The following CHM variants were observed in gnomAD, a reference collection of about 807,000 sequenced individuals.
CHM encodes the protein CHM Rab escort protein.
In CHM, 10 loss-of-function variants were observed where a neutral mutation model predicts 49.0. The observed-to-expected ratio is 0.20, with a 90% CI of 0.13 to 0.35. CHM has a LOEUF of 0.35. Ranked by LOEUF, CHM falls within the 10% of genes least tolerant of loss-of-function variation. The pLI, the probability that CHM is intolerant of heterozygous loss-of-function variation, is 1.00. For synonymous variants in CHM, 184 were observed against 167.5 expected (o/e 1.10, Z -0.76); for missense variants, 455 against 478.4 (o/e 0.95, Z 0.46).
intron 8 of CHM, among the ~76,000 whole-genome samples, chrX:85,915,969 G>A (rs1222866404): frequency 6.2e-5 from 7 of 112,076 alleles, no homozygotes; most frequent in African/African-American, 1.6e-4. Context: ...ATATGGAACC[G>A]TAAAACAGCC....
intron 5 of CHM, among the ~76,000 whole-genome samples, chrX:85,962,015 G>C (rs763147327): frequency 6.3e-5 from 7 of 111,951 alleles, no homozygotes; most frequent in Middle Eastern, 4.6e-3. Context: ...CCCTTTGCAA[G>C]ATATATACTA....
intron 7 of CHM, among the ~76,000 whole-genome samples, chrX:85,957,213 T>C (rs1260054915): frequency 8.9e-6 from 1 of 111,746 alleles, no homozygotes; most frequent in African/African-American, 3.2e-5. Flanking sequence ...ATTCCAATTT[T>C]GGATAACATT....
chrX:86,038,244 CTCAA>C (rs888877081), intron 1 of CHM, among the ~76,000 whole-genome samples: 2 of 111,825 alleles, frequency 1.8e-5, no homozygotes, highest in Admixed American at 9.5e-5. Flanking sequence ...ACAGGCAGAA[CTCAA>C]AGTCATTCCT....
chrX:86,007,764 C>G (rs915711468), intron 2 of CHM, among the ~76,000 whole-genome samples: 4 of 112,100 alleles, frequency 3.6e-5, no homozygotes, highest in Admixed American at 2.8e-4. Flanking sequence ...ACAACAGAAG[C>G]TGGAGAGGAT....
intron 4 of CHM, among the ~76,000 whole-genome samples, chrX:85,968,623 T>C (rs1367309234): frequency 1.8e-5 from 2 of 110,425 alleles, no homozygotes; most frequent in African/African-American, 6.8e-5. Flanking sequence ...CTGGGGGCCC[T>C]TGTTGAAGAC....
intron 8 of CHM, among the ~76,000 whole-genome samples, chrX:85,944,119 A>G (rs1282028521): frequency 2.7e-5 from 3 of 111,879 alleles, no homozygotes; most frequent in African/African-American, 6.5e-5. Context: ...AAATTTTCCA[A>G]CAGTATACTC....
At chrX:85,936,697 A>T (rs1184762412) in intron 8 of CHM, among the ~76,000 whole-genome samples, 1 of 112,436 alleles carries the variant, frequency 8.9e-6, no homozygotes, top group Non-Finnish European at 1.9e-5. Context: ...GCTACAATTT[A>T]TACCAATCAC....
intron 14 of CHM, among the ~76,000 whole-genome samples, chrX:85,866,934 G>A (rs1052543521): frequency 3.5e-5 from 4 of 112,711 alleles, no homozygotes; most frequent in African/African-American, 1.3e-4. Flanking sequence ...TGATTTTACA[G>A]GTTCATAGGC....
intron 2 of CHM, among the ~76,000 whole-genome samples, chrX:86,017,051 C>T (rs1156551808): frequency 2.7e-5 from 3 of 112,488 alleles, no homozygotes; most frequent in Non-Finnish European, 5.6e-5. Flanking sequence ...AGATTTCGGA[C>T]TTGCATGGGC....
chrX:85,913,134 G>C (rs1404377737), intron 8 of CHM, among the ~76,000 whole-genome samples: 1 of 61,742 alleles, frequency 1.6e-5, no homozygotes, highest in Non-Finnish European at 3.3e-5. Context: ...AGACCAGCCC[G>C]GTGAAACCTT....
At chrX:85,968,032 A>G (rs900481318) in intron 4 of CHM, among the ~76,000 whole-genome samples, 51 of 111,460 alleles carry the variant, frequency 4.6e-4, no homozygotes, top group Non-Finnish European at 7.4e-4. Flanking sequence ...TCTCTTACCC[A>G]ATACGACTTG....
At chrX:85,868,809 C>T (rs1923873194) in intron 14 of CHM, among the ~76,000 whole-genome samples, 2 of 111,275 alleles carry the variant, frequency 1.8e-5, no homozygotes, top group Admixed American at 9.6e-5. Context: ...TCAATGACTC[C>T]CCATCACCAA....
At chrX:85,895,177 C>T (rs1290669034) in intron 11 of CHM, among the ~76,000 whole-genome samples, 3 of 98,225 alleles carry the variant, frequency 3.1e-5, no homozygotes, top group Non-Finnish European at 6.0e-5. Context: ...ACTCTGTTGC[C>T]CAGGCTGGTG....
intron 12 of CHM, among the ~76,000 whole-genome samples, chrX:85,888,901 T>G (rs1052185497): frequency 3.6e-5 from 4 of 112,194 alleles, no homozygotes; most frequent in African/African-American, 1.3e-4. Flanking sequence ...GTACTACATT[T>G]ATTTAAAAAC....
chrX:85,959,019 T>G, intron 5 of CHM, 42 bp from the exon 6 acceptor site: 1 of 1,196,789 alleles, frequency 8.4e-7, no homozygotes, highest in Non-Finnish European at 1.1e-6. Context: ...GTTGAAATAG[T>G]AGAAAAATTG....
At chrX:85,874,240 C>T (rs1423280058) in intron 13 of CHM, among the ~76,000 whole-genome samples, 1 of 111,780 alleles carries the variant, frequency 8.9e-6, no homozygotes, top group Non-Finnish European at 1.9e-5. Context: ...ATTTGCCTCT[C>T]TTCTTTAAAA....
intron 2 of CHM, among the ~76,000 whole-genome samples, chrX:86,003,779 C>T (rs145361353): frequency 1.3e-4 from 14 of 111,955 alleles, no homozygotes; most frequent in African/African-American, 4.2e-4. Flanking sequence ...ACCAAATCTA[C>T]GTTTGACTGC....
chrX:86,024,103 T>C (rs1463938840), intron 2 of CHM, among the ~76,000 whole-genome samples: 1 of 111,813 alleles, frequency 8.9e-6, no homozygotes, highest in Non-Finnish European at 1.9e-5. Context: ...AAGCTAAACA[T>C]TGAAAGACAA....
intron 4 of CHM, chrX:85,971,099 A>G: frequency 2.2e-5 from 14 of 637,479 alleles, no homozygotes; most frequent in Non-Finnish European, 2.4e-5. Context: ...ATATATAAAT[A>G]CACCCTATAT....
Sources: allele counts gnomAD v4.1 joint callset (sites outside exome capture counted in the v4.1 genomes callset), GRCh38; gene constraint gnomAD v4.1.1; transcripts MANE v1.5; gene names NCBI Gene and HGNC (gene_info 2026-07-23, HGNC 2026-07-21).